The following UNC5D variants were observed in gnomAD, a reference collection of about 807,000 sequenced individuals.
UNC5D encodes netrin receptor UNC5D.
Under a neutral mutation model 105.4 loss-of-function variants are expected in UNC5D, and 39 were observed. The observed-to-expected ratio is 0.37, with a 90% CI of 0.29 to 0.48. UNC5D has a LOEUF of 0.48. Among genes scored for constraint, UNC5D ranks in the 20% least tolerant of loss-of-function variants. The pLI is 0.98. For missense variants in UNC5D, 991 were observed against 1,202.4 expected, an observed-to-expected ratio of 0.82 and a Z score of 2.60; for synonymous variants, 452 against 450.4, an observed-to-expected ratio of 1.00 and a Z score of -0.04.
At chr8:35,673,745 T>G (rs1824995841) in intron 4 of UNC5D, among the ~76,000 whole-genome samples, 1 of 152,202 alleles carries the variant, frequency 6.6e-6, no homozygotes, top group Non-Finnish European at 1.5e-5. Flanking sequence ...AGAATCACAT[T>G]GGTGTCCAAT....
intron 8 of UNC5D, among the ~76,000 whole-genome samples, chr8:35,713,004 C>G (rs1828048620): frequency 6.6e-6 from 1 of 152,118 alleles, no homozygotes; most frequent in African/African-American, 2.4e-5. Flanking sequence ...ATCATTCCTA[C>G]TGTGAATCAA....
At chr8:35,584,317 A>G (rs1433161578) in intron 3 of UNC5D, among the ~76,000 whole-genome samples, 4 of 151,836 alleles carry the variant, frequency 2.6e-5, no homozygotes, top group African/African-American at 9.7e-5. Context: ...GGCAGGAGTG[A>G]CATGGCCATG....
intron 1 of UNC5D, among the ~76,000 whole-genome samples, chr8:35,349,715 C>T (rs747060733): frequency 1.3e-5 from 2 of 151,966 alleles, no homozygotes; most frequent in Non-Finnish European, 2.9e-5. Flanking sequence ...ATAACTCAGT[C>T]ACATGAGAGC....
intron 2 of UNC5D, among the ~76,000 whole-genome samples, chr8:35,562,880 C>T (rs1192965215): frequency 6.6e-6 from 1 of 151,896 alleles, no homozygotes; most frequent in Non-Finnish European, 1.5e-5. Flanking sequence ...AAATTTTTGC[C>T]TCAACCAGTG....
At chr8:35,249,595 TAATAATAA>T (rs1263450114) in intron 1 of UNC5D, among the ~76,000 whole-genome samples, 1 of 87,880 alleles carries the variant, frequency 1.1e-5, no homozygotes, top group Non-Finnish European at 2.5e-5. Flanking sequence ...ATAATAATAA[TAATAATAA>T]AATAAATAAA....
intron 4 of UNC5D, among the ~76,000 whole-genome samples, chr8:35,609,984 C>G (rs1402263462): frequency 6.6e-6 from 1 of 152,182 alleles, no homozygotes; most frequent in Non-Finnish European, 1.5e-5. Flanking sequence ...ACAGAACTTT[C>G]TTGGCAACTA....
chr8:35,789,895 A>AACACAC (rs56702865), intron 16 of UNC5D, among the ~76,000 whole-genome samples: 4,025 of 142,728 alleles, frequency 0.028, 109 homozygotes, highest in African/African-American at 0.072. Context: ...TCAAGAAGAA[A>AACACAC]ACACACACAC....
chr8:35,283,299 G>C (rs1026738011), intron 1 of UNC5D, among the ~76,000 whole-genome samples: 1 of 151,998 alleles, frequency 6.6e-6, no homozygotes, highest in Non-Finnish European at 1.5e-5. Context: ...AACTGTTCAC[G>C]GTCAAGTCTG....
intron 1 of UNC5D, among the ~76,000 whole-genome samples, chr8:35,350,861 T>C (rs1291213257): frequency 1.3e-5 from 2 of 152,094 alleles, no homozygotes; most frequent in African/African-American, 4.8e-5. Flanking sequence ...CATCAAGTGC[T>C]TGCAGATTGT....
chr8:35,721,605 C>A, intron 8 of UNC5D: 1 of 675,424 alleles, frequency 1.5e-6, no homozygotes. Flanking sequence ...CCTTCATATC[C>A]CACAATAAAA....
chr8:35,764,525 A>G (rs1801680085), intron 14 of UNC5D, among the ~76,000 whole-genome samples: 1 of 152,206 alleles, frequency 6.6e-6, no homozygotes, highest in Non-Finnish European at 1.5e-5. Flanking sequence ...TTCTAAGTGC[A>G]TATGATGATA....
chr8:35,569,991 C>T (rs1404241302), intron 3 of UNC5D, among the ~76,000 whole-genome samples: 1 of 152,184 alleles, frequency 6.6e-6, no homozygotes, highest in Non-Finnish European at 1.5e-5. Context: ...TCCTCCCCAT[C>T]TCTGTCCTTC....
intron 4 of UNC5D, among the ~76,000 whole-genome samples, chr8:35,630,263 C>G (rs1821954948): frequency 6.6e-6 from 1 of 152,174 alleles, no homozygotes; most frequent in Non-Finnish European, 1.5e-5. Flanking sequence ...TATACAAATA[C>G]TCTTTTATCC....
At chr8:35,685,558 C>T (rs1442920953) in intron 6 of UNC5D, among the ~76,000 whole-genome samples, 2 of 152,152 alleles carry the variant, frequency 1.3e-5, no homozygotes, top group Non-Finnish European at 2.9e-5. Flanking sequence ...TGGGGCTCTT[C>T]CTAGCAGCAT....
chr8:35,364,137 G>A (rs1190057369), intron 1 of UNC5D, among the ~76,000 whole-genome samples: 2 of 152,300 alleles, frequency 1.3e-5, no homozygotes, highest in East Asian at 3.9e-4. Context: ...CTGCACTTCA[G>A]CCTGGGTGAC....
chr8:35,308,375 A>G (rs562497174), intron 1 of UNC5D, among the ~76,000 whole-genome samples: 103 of 152,226 alleles, frequency 6.8e-4, no homozygotes, highest in African/African-American at 2.3e-3. Context: ...AACTATAGAT[A>G]TGAACAGGTT....
At chr8:35,458,150 G>A (rs1045821851) in intron 1 of UNC5D, among the ~76,000 whole-genome samples, 1 of 152,164 alleles carries the variant, frequency 6.6e-6, no homozygotes, top group Non-Finnish European at 1.5e-5. Flanking sequence ...TTTCGGAACA[G>A]AATGTTAGAG....
intron 1 of UNC5D, among the ~76,000 whole-genome samples, chr8:35,253,408 C>G (rs1336582743): frequency 6.7e-6 from 1 of 148,656 alleles, no homozygotes; most frequent in African/African-American, 2.5e-5. Context: ...ATATTTATTC[C>G]TTTAATCCAC....
At chr8:35,670,545 C>A (rs999896380) in intron 4 of UNC5D, among the ~76,000 whole-genome samples, 1 of 152,030 alleles carries the variant, frequency 6.6e-6, no homozygotes, top group African/African-American at 2.4e-5. Context: ...GAAATGAGAT[C>A]ATGTCCTTTG....
Sources: gnomAD v4.1 joint callset for allele counts (sites outside exome capture counted in the v4.1 genomes callset) on GRCh38, gnomAD v4.1.1 for gene constraint, MANE v1.5 for transcripts, NCBI Gene and HGNC (gene_info 2026-07-23, HGNC 2026-07-21) for gene names.